IL6ST: variants seen among roughly 807,000 people sequenced by gnomAD.
IL6ST encodes interleukin 6 cytokine family signal transducer.
In IL6ST, 24 loss-of-function variants were observed where a neutral mutation model predicts 91.3. That is an observed-to-expected ratio of 0.26 (90% CI 0.19 to 0.37). IL6ST has a LOEUF of 0.37. Ranked by LOEUF, IL6ST falls within the 10% of genes least tolerant of loss-of-function variation. The pLI is 1.00. For synonymous variants in IL6ST, 351 were observed against 373.6 expected, an observed-to-expected ratio of 0.94 and a Z score of 0.70; for missense variants, 914 against 1,078.5, an observed-to-expected ratio of 0.85 and a Z score of 2.14.
At chr5:55,953,489 A>G (rs1351811531) in intron 11 of IL6ST, among the ~76,000 whole-genome samples, 1 of 152,184 alleles carries the variant, frequency 6.6e-6, no homozygotes, top group Non-Finnish European at 1.5e-5. Context: ...TCCCGGGTTC[A>G]AGAGATTCTC....
Position 55,947,628 on chromosome 5 carries a change from G to A in IL6ST, c.1841-39C>T, listed in dbSNP as rs759003400. The A allele has an allele frequency of 1.4e-5, 16 of 1,153,764 alleles. No homozygotes were observed. The East Asian group carries it at 3.0e-4, about 21-fold the overall frequency. 71.5% of individuals were successfully genotyped at this position (1,153,764 alleles called of 1,614,324 possible). Reference sequence around the variant, plus strand: ...AAAAAAAAAAAAAAAGAGGTGTGATGGGAAATAATGTTGACATATGAACTA... The same window carrying A: ...AAAAAAAAAAAAAAAGAGGTGTGATAGGAAATAATGTTGACATATGAACTA... On this transcript the variant is annotated intron_variant, in intron 14 of 16. Transcript: ENST00000381298.
intron 9 of IL6ST, among the ~76,000 whole-genome samples, chr5:55,956,675 T>C (rs548220474): frequency 3.3e-5 from 5 of 152,338 alleles, no homozygotes; most frequent in South Asian, 2.1e-4. Context: ...ATAGAACTTA[T>C]ACTTTCACAG....
rs1751344078 is a variant in IL6ST at position 55,947,545 on chromosome 5, A to G, written c.1885T>C (p.Phe629Leu). 1 of 1,578,714 alleles carries G rather than the reference A, an allele frequency of 6.3e-7. No individual in the cohort carries two copies. The highest frequency in any genetic ancestry group is 1.1e-5 in the South Asian group (1 of 87,408). Residue 629 changes from phenylalanine to leucine, a missense_variant, in exon 15 of 17, where the codon TTC (phenylalanine) becomes CTC (leucine). By Grantham distance (22) the Phe-to-Leu change is conservative. Coordinates refer to ENST00000381298, the MANE Select transcript of IL6ST (RefSeq NM_002184.4). ...ACTCCCAGAAGAGTTGTCAATAGGAATGCTAAGCAAACAGGCACGACTATG... is the reference window on the plus strand; with the variant it reads ...ACTCCCAGAAGAGTTGTCAATAGGAGTGCTAAGCAAACAGGCACGACTATG... ...EAIVVPVCLA[F>L]LLTTLLGVLF...
Position 55,956,033 on chromosome 5 carries a change from T to C in IL6ST, c.1259A>G (p.Asp420Gly), listed in dbSNP as rs758755236. The C allele has an allele frequency of 6.2e-7, 1 of 1,611,728 alleles. No homozygotes were observed. Among genetic ancestry groups the C allele is most frequent in the East Asian group, 2.2e-5 (1 of 44,864 alleles). ...DAAVLTIPAC[D>G]FQATHPVMDL... ...ATCTCACAGATACAAACCTTGAAAG[T>C]CACAGGCAGGGATAGTTAAAACAGC... The change falls in exon 10 of 17, where the codon GAC becomes GGC. Residue 420 changes from aspartate (D) to glycine (G), a missense_variant. Physicochemically the swap from Asp to Gly is moderately conservative, Grantham distance 94. Coordinates refer to ENST00000381298, the MANE Select transcript of IL6ST (RefSeq NM_002184.4).
intron 2 of IL6ST, among the ~76,000 whole-genome samples, chr5:55,979,176 G>A (rs1405245753): frequency 6.6e-6 from 1 of 152,166 alleles, no homozygotes; most frequent in African/African-American, 2.4e-5. Flanking sequence ...AGAATTGCTT[G>A]AGGCCAGGAG....
chr5:55,942,404 T>C (rs190127230), intron 16 of IL6ST, among the ~76,000 whole-genome samples: 184 of 152,276 alleles, frequency 1.2e-3, no homozygotes, highest in Admixed American at 2.1e-3. Flanking sequence ...CAACCAAACA[T>C]CTGTAATGTG....
At chr5:55,989,536 A>T (rs2111941895) in intron 1 of IL6ST, among the ~76,000 whole-genome samples, 1 of 152,356 alleles carries the variant, frequency 6.6e-6, no homozygotes, top group Admixed American at 6.5e-5. Flanking sequence ...GCCTTTTAAA[A>T]TTAGACTATT....
intron 2 of IL6ST, among the ~76,000 whole-genome samples, chr5:55,980,958 G>A (rs1477907012): frequency 6.6e-6 from 1 of 152,144 alleles, no homozygotes; most frequent in Non-Finnish European, 1.5e-5. Context: ...CCAAACTCCT[G>A]GTCTGAAGCA....
chr5:55,960,356 T>C (rs1752235909), intron 8 of IL6ST, 46 bp downstream of exon 8: 2 of 1,489,476 alleles, frequency 1.3e-6, no homozygotes, highest in Non-Finnish European at 1.8e-6. Context: ...CCAGTTCACA[T>C]CTGGAATTCC....
chr5:55,985,534 T>A (rs1051795995), intron 1 of IL6ST, among the ~76,000 whole-genome samples: 6 of 147,916 alleles, frequency 4.1e-5, no homozygotes, highest in East Asian at 2.0e-4. Flanking sequence ...AAAAAAAAAA[T>A]ATAAAAAATA....
intron 1 of IL6ST, among the ~76,000 whole-genome samples, chr5:55,984,860 G>A (rs1481010839): frequency 6.6e-6 from 1 of 152,102 alleles, no homozygotes; most frequent in Admixed American, 6.5e-5. Flanking sequence ...TGTAACAAAG[G>A]GATGCTCTAT....
chr5:55,969,340 A>T (rs1296859341), intron 4 of IL6ST, among the ~76,000 whole-genome samples: 2 of 152,144 alleles, frequency 1.3e-5, no homozygotes, highest in Admixed American at 1.3e-4. Flanking sequence ...GTCTCATGTC[A>T]AATATTTCTC....
At chr5:55,971,600 G>A (rs1752967079) in intron 3 of IL6ST, among the ~76,000 whole-genome samples, 1 of 152,118 alleles carries the variant, frequency 6.6e-6, no homozygotes, top group Admixed American at 6.6e-5. Flanking sequence ...TACCCATGAA[G>A]TGTTTTTGAG....
Position 55,936,515 on chromosome 5 carries a change from G to A in IL6ST, c.*4567C>T, listed in dbSNP as rs1461105437. ...TTTCTTTTAAATCACATTCCATTAT[G>A]TCATTTAAAATGTCACAAAACCCAC... On this transcript the variant is annotated 3_prime_UTR_variant, in exon 17 of 17. Transcript: ENST00000381298. 4.7e-6 allele frequency: 1 copy of A among 211,786 alleles called. No individual in the cohort carries two copies. The highest frequency in any genetic ancestry group is 5.9e-5 in the Admixed American group (1 of 17,000). 13.1% of individuals were successfully genotyped at this position (211,786 alleles called of 1,614,324 possible). A position where few individuals can be genotyped will look rare whatever the true frequency, so the allele number is the denominator to read the frequency against.
chr5:55,983,518 C>A (rs1481048032), intron 1 of IL6ST, among the ~76,000 whole-genome samples: 4 of 152,142 alleles, frequency 2.6e-5, no homozygotes, highest in Non-Finnish European at 5.9e-5. Flanking sequence ...CACTTAAATT[C>A]TAGCTTAAGT....
In IL6ST at chr5:55,935,574, C is replaced by T; in HGVS notation, c.*5508G>A. On this transcript the variant is annotated 3_prime_UTR_variant, in exon 17 of 17. Transcript: ENST00000381298. The stretch of plus-strand genomic sequence containing the variant: ...CAGCAACAGGACTCAAGCTGTTCAC[C>T]CTGCTTTCGAGTTGGCTGAGCTTCC... The T allele has an allele frequency of 9.1e-6, 2 of 218,878 alleles. No individual in the cohort carries two copies. The highest frequency in any genetic ancestry group is 9.2e-6 in the Non-Finnish European group (1 of 108,988). 13.6% of individuals were successfully genotyped at this position (218,878 alleles called of 1,614,324 possible).
chr5:55,991,453 A>AT lies in IL6ST; in HGVS notation c.-104+3330dup, dbSNP rs1213120281. Among the ~76,000 whole-genome samples, 4 of 151,804 alleles carry AT rather than the reference A, an allele frequency of 2.6e-5. No individual in the cohort carries two copies. In the East Asian group the frequency reaches 7.7e-4, roughly 29 times the overall value. On this transcript the variant is annotated intron_variant, in intron 1 of 16. Coordinates refer to ENST00000381298, the MANE Select transcript of IL6ST (RefSeq NM_002184.4). ...CTCTCCCATAATATCTTTCCCACCC[A>AT]TCTCTTCTTTTTACTCTCTACCACA...
intron 15 of IL6ST, among the ~76,000 whole-genome samples, chr5:55,946,910 T>A (rs1297935293): frequency 6.6e-6 from 1 of 151,944 alleles, no homozygotes. Context: ...CGCTATGTGA[T>A]TCTATTTATA....
chr5:55,961,085 G>A (rs1467096389), intron 7 of IL6ST, among the ~76,000 whole-genome samples: 21 of 152,144 alleles, frequency 1.4e-4, no homozygotes, highest in Admixed American at 1.4e-3. Context: ...ATTGACACAA[G>A]ACTAATACAT....
Sources: allele counts gnomAD v4.1 joint callset (sites outside exome capture counted in the v4.1 genomes callset), GRCh38; gene constraint gnomAD v4.1.1; transcripts MANE v1.5; gene names NCBI Gene and HGNC (gene_info 2026-07-23, HGNC 2026-07-21).